Variants in CSMD3 observed in about 807,000 individuals in gnomAD.
The protein encoded by CSMD3 is CUB and sushi domain-containing protein 3.
In CSMD3, 177 loss-of-function variants were observed where a neutral mutation model predicts 435.2. The ratio of observed to expected loss-of-function variants is 0.41; its 90% CI spans 0.36 to 0.46. CSMD3 has a LOEUF of 0.46. Ranked by LOEUF, CSMD3 falls within the 20% of genes least tolerant of loss-of-function variation. The pLI is 0.34. For synonymous variants in CSMD3, 1,656 were observed against 1,520.5 expected, an observed-to-expected ratio of 1.09 and a Z score of -2.07; for missense variants, 4,265 against 4,504.6, an observed-to-expected ratio of 0.95 and a Z score of 1.52.
intron 22 of CSMD3, among the ~76,000 whole-genome samples, chr8:112,602,695 G>A (rs1371832733): frequency 1.3e-5 from 2 of 151,456 alleles, no homozygotes; most frequent in Admixed American, 1.3e-4. Flanking sequence ...TATATATTTA[G>A]TATGTTATAT....
intron 7 of CSMD3, among the ~76,000 whole-genome samples, chr8:112,968,167 A>G (rs1427079084): frequency 6.6e-6 from 1 of 151,926 alleles, no homozygotes; most frequent in Admixed American, 6.6e-5. Flanking sequence ...AAATTCCTTG[A>G]TGGTAGCATT....
At chr8:112,908,268 G>A (rs1343995918) in intron 10 of CSMD3, among the ~76,000 whole-genome samples, 2 of 151,436 alleles carry the variant, frequency 1.3e-5, no homozygotes, top group Non-Finnish European at 3.0e-5. Flanking sequence ...TGGGTCATAT[G>A]TGTATACATA....
At chr8:113,344,087 T>C (rs1049019418) in intron 1 of CSMD3, among the ~76,000 whole-genome samples, 1 of 152,166 alleles carries the variant, frequency 6.6e-6, no homozygotes, top group Non-Finnish European at 1.5e-5. Context: ...TTACATATAT[T>C]AATCTAGGAG....
At chr8:112,269,447 C>A (rs984601022) in intron 59 of CSMD3, among the ~76,000 whole-genome samples, 1 of 152,164 alleles carries the variant, frequency 6.6e-6, no homozygotes, top group Admixed American at 6.6e-5. Context: ...GAAGTCCAGT[C>A]AGTTTTCTAA....
At chr8:113,276,014 A>G (rs1009988662) in intron 3 of CSMD3, among the ~76,000 whole-genome samples, 1 of 152,080 alleles carries the variant, frequency 6.6e-6, no homozygotes, top group Non-Finnish European at 1.5e-5. Flanking sequence ...TAATTCCAAG[A>G]TAAGATTTCC....
intron 45 of CSMD3, among the ~76,000 whole-genome samples, chr8:112,328,527 G>GCA (rs1192921040): frequency 2.6e-5 from 4 of 152,132 alleles, no homozygotes. Context: ...AAGAGTGAAT[G>GCA]CTTATTTGGA....
chr8:112,225,040 A>G (rs1329215964), intron 70 of CSMD3, 110 bp from the exon 71 acceptor site: 9 of 1,059,166 alleles, frequency 8.5e-6, no homozygotes, highest in Non-Finnish European at 1.3e-5. Context: ...TAAAAATATT[A>G]ATTGAGACAT....
intron 51 of CSMD3, among the ~76,000 whole-genome samples, chr8:112,305,729 G>A (rs1425266285): frequency 2.0e-5 from 3 of 151,984 alleles, no homozygotes; most frequent in Non-Finnish European, 4.4e-5. Context: ...AACACATGTT[G>A]ACTAAAGGAT....
intron 13 of CSMD3, among the ~76,000 whole-genome samples, chr8:112,746,909 T>C (rs2077439366): frequency 6.6e-6 from 1 of 152,102 alleles, no homozygotes; most frequent in African/African-American, 2.4e-5. Context: ...CTCTATTCAC[T>C]ATTTTTCTTT....
At position 112,445,218 on chromosome 8, in the gene CSMD3, C is replaced by T. The variant is rs555647704; in HGVS notation, c.5395+27373G>A. ...AGATTGCACCACCGCACTCCAGCCT[C>T]GTTGACAGAGTGGAGTGTGGAGACT... On this transcript the variant is annotated intron_variant, in intron 32 of 70. Transcript: ENST00000297405. Among the ~76,000 whole-genome samples, 16 of 152,074 alleles carry T rather than the reference C, an allele frequency of 1.1e-4. No individual in the cohort carries two copies. The South Asian group carries it at 3.3e-3, about 32-fold the overall frequency.
intron 42 of CSMD3, among the ~76,000 whole-genome samples, chr8:112,338,630 A>T (rs532616032): frequency 6.6e-6 from 1 of 151,422 alleles, no homozygotes; most frequent in African/African-American, 2.5e-5. Flanking sequence ...GAAGTTAAAT[A>T]AACTATCCTG....
chr8:112,295,888 T>G lies in CSMD3; in HGVS notation c.8559A>C (p.Ser2853=), dbSNP rs781043553. ...TGTGATCCTGTTGACATATCCTCAC[T>G]GAAGAACCAATCAATCGAAAACCAG... The part of the protein sequence containing the change: ...CNPGFRLIGS[S]VRICQQDHNW... Residue 2853 remains serine, a synonymous_variant, in exon 54 of 71, where the codon TCA becomes TCC. Coordinates refer to ENST00000297405, the MANE Select transcript of CSMD3 (RefSeq NM_198123.2). 1.9e-6 allele frequency: 3 copies of G among 1,613,910 alleles called. No individual in the cohort carries two copies. Among genetic ancestry groups the G allele is most frequent in the African/African-American group, 2.7e-5 (2 of 74,920 alleles).
chr8:113,031,763 G>C (rs1352760999), intron 5 of CSMD3, among the ~76,000 whole-genome samples: 1 of 151,506 alleles, frequency 6.6e-6, no homozygotes, highest in African/African-American at 2.4e-5. Flanking sequence ...GGGGGATAGT[G>C]GGTGAACAAT....
intron 32 of CSMD3, among the ~76,000 whole-genome samples, chr8:112,413,274 T>A (rs766894379): frequency 9.2e-5 from 14 of 152,204 alleles, no homozygotes; most frequent in Non-Finnish European, 1.2e-4. Context: ...AAGCTTTATT[T>A]GACATCTAAT....
At chr8:112,483,760 A>T (rs1216619032) in intron 31 of CSMD3, among the ~76,000 whole-genome samples, 1 of 152,194 alleles carries the variant, frequency 6.6e-6, no homozygotes, top group Non-Finnish European at 1.5e-5. Context: ...TAGAGGTAAT[A>T]GCAGAAGAAA....
At chr8:112,265,135 AC>A (rs1816813889) in intron 60 of CSMD3, among the ~76,000 whole-genome samples, 2 of 152,060 alleles carry the variant, frequency 1.3e-5, no homozygotes, top group Non-Finnish European at 1.5e-5. Flanking sequence ...TATATAAATA[AC>A]AATGGTGAAT....
At chr8:112,887,222 T>A (rs2081629311) in intron 10 of CSMD3, among the ~76,000 whole-genome samples, 1 of 149,764 alleles carries the variant, frequency 6.7e-6, no homozygotes, top group African/African-American at 2.5e-5. Context: ...TTGAATAGTA[T>A]AAAAGAATGT....
At chr8:113,351,796 A>C (rs2132916610) in intron 1 of CSMD3, among the ~76,000 whole-genome samples, 1 of 152,310 alleles carries the variant, frequency 6.6e-6, no homozygotes, top group Non-Finnish European at 1.5e-5. Context: ...AATAATTAAT[A>C]ACTGACAAAG....
At chr8:113,219,501 A>C (rs557548044) in intron 3 of CSMD3, among the ~76,000 whole-genome samples, 1 of 151,516 alleles carries the variant, frequency 6.6e-6, no homozygotes, top group African/African-American at 2.4e-5. Flanking sequence ...AATATACCCA[A>C]GTATATAAAA....
Sources: allele counts gnomAD v4.1 joint callset (sites outside exome capture counted in the v4.1 genomes callset), GRCh38; gene constraint gnomAD v4.1.1; transcripts MANE v1.5; gene names NCBI Gene and HGNC (gene_info 2026-07-23, HGNC 2026-07-21).